Variants in CNTNAP2 observed in about 807,000 individuals in gnomAD.
CNTNAP2 encodes the protein contactin-associated protein-like 2.
CNTNAP2 carries 98 observed loss-of-function variants against 155.2 expected under a neutral mutation model. The ratio of observed to expected loss-of-function variants is 0.63; its 90% confidence interval spans 0.54 to 0.75. The LOEUF (loss-of-function observed/expected upper bound fraction) is 0.75, where lower values mean the gene tolerates loss of function less well. Among genes scored for constraint, CNTNAP2 ranks in the 30% least tolerant of loss-of-function variants. The pLI is 0.00. For synonymous variants in CNTNAP2, 651 were observed against 631.2 expected (o/e 1.03, Z -0.47); for missense variants, 1,727 against 1,688.1 (o/e 1.02, Z -0.40).
At chr7:146,995,385 T>C (rs1798289647) in intron 3 of CNTNAP2, among the ~76,000 whole-genome samples, 1 of 152,080 alleles carries the variant, frequency 6.6e-6, no homozygotes, top group African/African-American at 2.4e-5. Flanking sequence ...GGTAGTTCAA[T>C]ATTTAATTTA....
chr7:147,352,012 AT>A (rs754819880), intron 9 of CNTNAP2, among the ~76,000 whole-genome samples: 26 of 152,072 alleles, frequency 1.7e-4, no homozygotes, highest in Middle Eastern at 3.4e-3. Flanking sequence ...ATCAATGGCA[AT>A]TTGTTTTGCT....
chr7:148,102,798 T>C (rs1804129944), intron 15 of CNTNAP2, among the ~76,000 whole-genome samples: 1 of 152,166 alleles, frequency 6.6e-6, no homozygotes, highest in South Asian at 2.1e-4. Context: ...GTGGTAACCA[T>C]TGTTGAACCC....
chr7:148,203,381 G>A (rs981965386), intron 18 of CNTNAP2, among the ~76,000 whole-genome samples: 1 of 152,200 alleles, frequency 6.6e-6, no homozygotes, highest in African/African-American at 2.4e-5. Flanking sequence ...ATCTGCACAT[G>A]TAAACTACCA....
chr7:146,836,132 C>T (rs747224379), intron 2 of CNTNAP2, among the ~76,000 whole-genome samples: 1 of 152,040 alleles, frequency 6.6e-6, no homozygotes, highest in African/African-American at 2.4e-5. Flanking sequence ...CACATATATT[C>T]CATAGATAGC....
chr7:148,020,447 G>C (rs1030661271), intron 15 of CNTNAP2, among the ~76,000 whole-genome samples: 15 of 152,196 alleles, frequency 9.9e-5, no homozygotes, highest in Non-Finnish European at 2.1e-4. Flanking sequence ...GCAAAATAAA[G>C]TGCAAGTTGT....
chr7:147,125,061 T>C (rs1458126883), intron 6 of CNTNAP2, among the ~76,000 whole-genome samples: 1 of 151,964 alleles, frequency 6.6e-6, no homozygotes, highest in Non-Finnish European at 1.5e-5. Context: ...TTTGTATTTT[T>C]AGTAGAGATG....
chr7:147,248,476 G>T (rs956170044), intron 8 of CNTNAP2, among the ~76,000 whole-genome samples: 1 of 152,180 alleles, frequency 6.6e-6, no homozygotes, highest in South Asian at 2.1e-4. Flanking sequence ...GGATTGTCCT[G>T]GGTTAGGGTC....
intron 10 of CNTNAP2, among the ~76,000 whole-genome samples, chr7:147,469,707 A>G (rs1165545031): frequency 1.3e-5 from 2 of 151,248 alleles, no homozygotes; most frequent in Non-Finnish European, 2.9e-5. Context: ...TTTAGTGGAG[A>G]CGGGGTTTCA....
intron 13 of CNTNAP2, among the ~76,000 whole-genome samples, chr7:147,720,578 A>G (rs1796550790): frequency 6.6e-6 from 1 of 152,104 alleles, no homozygotes; most frequent in African/African-American, 2.4e-5. Context: ...CCACGTGTGA[A>G]GGAAGAGACC....
intron 1 of CNTNAP2, among the ~76,000 whole-genome samples, chr7:146,528,051 AT>A (rs1411718958): frequency 5.9e-5 from 9 of 152,154 alleles, no homozygotes; most frequent in African/African-American, 2.2e-4. Flanking sequence ...CTTTCTATTG[AT>A]ATAATTACCA....
chr7:147,108,771 C>CA (rs1800818605), intron 5 of CNTNAP2, among the ~76,000 whole-genome samples: 1 of 152,074 alleles, frequency 6.6e-6, no homozygotes, highest in Non-Finnish European at 1.5e-5. Context: ...TGTTCAAAGG[C>CA]AACAGGGCTA....
intron 15 of CNTNAP2, among the ~76,000 whole-genome samples, chr7:148,057,687 A>G (rs914763325): frequency 5.3e-5 from 8 of 152,214 alleles, no homozygotes; most frequent in Non-Finnish European, 8.8e-5. Context: ...GTTAAAACTT[A>G]CTGAAGGAAC....
chr7:147,609,884 G>C (rs1240845304), intron 12 of CNTNAP2, among the ~76,000 whole-genome samples: 1 of 152,046 alleles, frequency 6.6e-6, no homozygotes, highest in Non-Finnish European at 1.5e-5. Context: ...ATTTAGGGGA[G>C]AGTAAATAAA....
chr7:146,829,587 G>A (rs1334798383), intron 2 of CNTNAP2, among the ~76,000 whole-genome samples: 1 of 151,922 alleles, frequency 6.6e-6, no homozygotes, highest in East Asian at 1.9e-4. Flanking sequence ...CTTAATTGAA[G>A]CAAAATATTA....
At chr7:147,779,023 G>T (rs1563086003) in intron 13 of CNTNAP2, among the ~76,000 whole-genome samples, 3 of 152,054 alleles carry the variant, frequency 2.0e-5, no homozygotes, top group Non-Finnish European at 2.9e-5. Flanking sequence ...TAAAAATAAG[G>T]CTAGCATGAG....
chr7:147,447,039 G>A (rs1797750880), intron 10 of CNTNAP2, among the ~76,000 whole-genome samples: 1 of 152,194 alleles, frequency 6.6e-6, no homozygotes, highest in African/African-American at 2.4e-5. Flanking sequence ...AGGCATTAAA[G>A]AAGGAAAGTA....
At chr7:146,473,561 CTTCT>C (rs1796830893) in intron 1 of CNTNAP2, among the ~76,000 whole-genome samples, 1 of 152,050 alleles carries the variant, frequency 6.6e-6, no homozygotes, top group Non-Finnish European at 1.5e-5. Context: ...TGACAATATT[CTTCT>C]TTCTTTCTTG....
At chr7:146,653,027 C>A (rs897994649) in intron 1 of CNTNAP2, among the ~76,000 whole-genome samples, 1 of 152,068 alleles carries the variant, frequency 6.6e-6, no homozygotes, top group African/African-American at 2.4e-5. Flanking sequence ...ATGTAACTTG[C>A]TTTATTACAA....
chr7:146,811,183 G>T (rs1435246363), intron 2 of CNTNAP2, among the ~76,000 whole-genome samples: 1 of 152,038 alleles, frequency 6.6e-6, no homozygotes, highest in Non-Finnish European at 1.5e-5. Flanking sequence ...TCAATTTTTG[G>T]GGGGGAGATT....
Sources: allele counts gnomAD v4.1 joint callset (sites outside exome capture counted in the v4.1 genomes callset), GRCh38; gene constraint gnomAD v4.1.1; transcripts MANE v1.5; gene names NCBI Gene and HGNC (gene_info 2026-07-23, HGNC 2026-07-21).